The following FRY variants were observed in gnomAD, a reference collection of about 807,000 sequenced individuals.
FRY encodes the protein protein furry homolog.
In FRY, 128 loss-of-function variants were observed where a neutral mutation model predicts 348.4. The ratio of observed to expected loss-of-function variants is 0.37; its 90% confidence interval spans 0.32 to 0.43. FRY has a LOEUF of 0.43. FRY is among the 20% of genes least tolerant of loss of function. The pLI, the probability that FRY is intolerant of heterozygous loss-of-function variation, is 1.00. For missense variants in FRY, 2,736 were observed against 3,695.2 expected (o/e 0.74, Z 6.73); for synonymous variants, 1,370 against 1,374.7 (o/e 1.00, Z 0.08).
At chr13:32,058,499 G>A (rs574985627) in intron 1 of FRY, among the ~76,000 whole-genome samples, 121 of 152,254 alleles carry the variant, frequency 7.9e-4, no homozygotes, top group Non-Finnish European at 1.3e-3. Context: ...TGCTTTCTAA[G>A]TTTTATGTCT....
rs114168033 is a variant in FRY, at chr13:32,261,220, C to T, written c.7417-396C>T. The stretch of plus-strand genomic sequence containing the variant: ...TCCTACTTTTTTCTCCTTCTGAAAA[C>T]AGTACTAAACAGGGGCCGACCTCAG... On this transcript the variant is annotated intron_variant, in intron 51 of 60. Coordinates refer to ENST00000542859, the MANE Select transcript of FRY (RefSeq NM_023037.3). Among the ~76,000 whole-genome samples the T allele has an allele frequency of 5.4e-3, 826 of 152,314 alleles. 11 individuals are homozygous for T. Among genetic ancestry groups the T allele is most frequent in the African/African-American group, 0.019 (783 of 41,576 alleles).
intron 41 of FRY, among the ~76,000 whole-genome samples, chr13:32,231,704 T>C (rs1593776036): frequency 6.6e-6 from 1 of 152,244 alleles, no homozygotes; most frequent in East Asian, 1.9e-4. Flanking sequence ...ATAAAATGTT[T>C]TTGGCTTTAA....
In FRY at chr13:32,224,295, A is replaced by G. The variant is rs752147781; in HGVS notation, c.4826A>G (p.Gln1609Arg). The G allele has an allele frequency of 6.2e-7, 1 of 1,613,982 alleles. No homozygotes were observed. The part of the protein sequence containing the change: ...LLTITETKQP[Q>R]PLPMPCTGGC... Reference sequence around the variant, plus strand: ...ACTATTACAGAGACCAAGCAGCCGCAGCCCTTACCGATGCCTTGTACTGGA... The same window carrying G: ...ACTATTACAGAGACCAAGCAGCCGCGGCCCTTACCGATGCCTTGTACTGGA... The change falls in exon 37 of 61, where the codon CAG (glutamine) becomes CGG (arginine). Residue 1609 changes from glutamine to arginine, a missense_variant. Gln to Arg is a conservative substitution (Grantham distance 43). This residue lies in a region of FRY where 794 missense variants were observed against 977.0 expected (regional missense o/e 0.81). Transcript: ENST00000542859.
chr13:32,100,723 C>A (rs974700460), intron 2 of FRY, among the ~76,000 whole-genome samples: 1 of 152,158 alleles, frequency 6.6e-6, no homozygotes, highest in Non-Finnish European at 1.5e-5. Flanking sequence ...GGCTTATCAA[C>A]AATAGACATC....
chr13:32,291,379 T>C (rs1015609995), intron 59 of FRY, among the ~76,000 whole-genome samples: 1 of 151,960 alleles, frequency 6.6e-6, no homozygotes, highest in African/African-American at 2.4e-5. Flanking sequence ...ATGGTCAAGA[T>C]AAACTTTACT....
chr13:32,206,384 A>G (rs1373554732), intron 31 of FRY, among the ~76,000 whole-genome samples: 1 of 152,238 alleles, frequency 6.6e-6, no homozygotes, highest in African/African-American at 2.4e-5. Context: ...GAGAGATCCC[A>G]GAAGAGAAGA....
chr13:32,256,574 T>C (rs936273175), intron 51 of FRY, among the ~76,000 whole-genome samples: 30 of 151,620 alleles, frequency 2.0e-4, no homozygotes, highest in Non-Finnish European at 4.1e-4. Context: ...CTCACGGGGC[T>C]GAGAGTGTAC....
intron 11 of FRY, among the ~76,000 whole-genome samples, chr13:32,145,533 T>C (rs12583027): frequency 2.4e-5 from 2 of 81,666 alleles, no homozygotes; most frequent in East Asian, 7.8e-4. Flanking sequence ...TTTGTTTTTT[T>C]TTTTTTTTTT....
At chr13:32,256,030 T>C (rs1014082333) in intron 51 of FRY, among the ~76,000 whole-genome samples, 4 of 152,060 alleles carry the variant, frequency 2.6e-5, no homozygotes, top group Non-Finnish European at 4.4e-5. Flanking sequence ...TCCGACACAA[T>C]TTCAGAACAG....
chr13:32,249,231 A>T (rs908134501), intron 48 of FRY, among the ~76,000 whole-genome samples: 1 of 152,202 alleles, frequency 6.6e-6, no homozygotes, highest in Non-Finnish European at 1.5e-5. Flanking sequence ...AACAATCAAA[A>T]ACTGACTATT....
chr13:32,079,088 T>A, intron 2 of FRY, 55 bp downstream of exon 2: 2 of 1,171,816 alleles, frequency 1.7e-6, no homozygotes, highest in Non-Finnish European at 2.6e-6. Flanking sequence ...ATGCTGAATA[T>A]ACTAGATTTA....
At chr13:32,035,296 G>T (rs895221695) in intron 1 of FRY, among the ~76,000 whole-genome samples, 5 of 151,800 alleles carry the variant, frequency 3.3e-5, no homozygotes, top group Non-Finnish European at 7.4e-5. Context: ...TTTTGGGCTG[G>T]TTTTTTTTCT....
At position 32,274,572 on chromosome 13, in the gene FRY, C is replaced by T. The variant is rs552336082; in HGVS notation, c.8137-270C>T. ...ACAAAAAATTAGCCAGGCGTGGTGGCAGGCACCTGTAGTCCCAGCTACTCG... is the reference window on the plus strand; with the variant it reads ...ACAAAAAATTAGCCAGGCGTGGTGGTAGGCACCTGTAGTCCCAGCTACTCG... On this transcript the variant is annotated intron_variant, in intron 55 of 60. Transcript: ENST00000542859. 1.9e-3 allele frequency among the ~76,000 whole-genome samples: 281 copies of T among 151,630 alleles called. 5 individuals carry two copies. The highest frequency in any genetic ancestry group is 0.01 in the Middle Eastern group (3 of 294).
chr13:32,135,066 A>C lies in FRY; in HGVS notation c.979-19A>C, dbSNP rs1879620120. The C allele has an allele frequency of 6.4e-7, 1 of 1,558,868 alleles. No homozygotes were observed. Among genetic ancestry groups the C allele is most frequent in the Non-Finnish European group, 8.9e-7 (1 of 1,129,820 alleles). ...CAACAATTTTATTAATATAATATTCACATGCATCTCTATTTCAGGCTGTTA... is the reference window on the plus strand; with the variant it reads ...CAACAATTTTATTAATATAATATTCCCATGCATCTCTATTTCAGGCTGTTA... On this transcript the variant is annotated intron_variant, in intron 9 of 60. Transcript: ENST00000542859.
intron 28 of FRY, among the ~76,000 whole-genome samples, chr13:32,190,982 G>T (rs890385330): frequency 6.6e-6 from 1 of 152,092 alleles, no homozygotes; most frequent in Non-Finnish European, 1.5e-5. Flanking sequence ...AGTAGAATAG[G>T]GAGGCCAGAA....
intron 24 of FRY, 83 bp from the exon 25 acceptor site, chr13:32,184,517 G>A (rs1363801172): frequency 4.9e-6 from 4 of 810,376 alleles, no homozygotes; most frequent in Non-Finnish European, 6.4e-6. Context: ...ACTAGATTAT[G>A]CCTTTTGTTA....
Position 32,224,998 on chromosome 13 carries a change from C to G in FRY, c.4982C>G (p.Ala1661Gly), listed in dbSNP as rs375793201. The G allele has an allele frequency of 6.2e-7, 1 of 1,610,488 alleles. No individual in the cohort carries two copies. Among genetic ancestry groups the G allele is most frequent in the Admixed American group, 1.7e-5 (1 of 60,016 alleles). ...VVDHSVREDW[A>G]LHLPLLLHAV... ...GATCACAGTGTACGAGAAGACTGGG[C>G]GCTTCATCTACCATTATTACTTCAT... Residue 1661 changes from alanine to glycine, a missense_variant, in exon 38 of 61, where the codon GCG becomes GGG. Transcript: ENST00000542859.
At chr13:32,056,243 C>G (rs570262863) in intron 1 of FRY, among the ~76,000 whole-genome samples, 2 of 150,500 alleles carry the variant, frequency 1.3e-5, no homozygotes, top group African/African-American at 4.9e-5. Flanking sequence ...AATGGGTGAT[C>G]TTTGGAGGTT....
intron 3 of FRY, among the ~76,000 whole-genome samples, chr13:32,112,752 C>T (rs191894774): frequency 8.5e-5 from 13 of 152,280 alleles, no homozygotes; most frequent in African/African-American, 2.4e-4. Context: ...TGTTAAAATA[C>T]TATCTGTAAA....
Sources: allele counts gnomAD v4.1 joint callset (sites outside exome capture counted in the v4.1 genomes callset), GRCh38; gene constraint gnomAD v4.1.1; regional missense constraint gnomAD v4.1.1; transcripts MANE v1.5; gene names NCBI Gene and HGNC (gene_info 2026-07-23, HGNC 2026-07-21).